The following NPAS2 variants were observed in gnomAD, a reference collection of about 807,000 sequenced individuals.
The protein encoded by NPAS2 is neuronal PAS domain protein 2, also known as neuronal PAS domain-containing protein 2.
NPAS2 carries 23 observed loss-of-function variants against 107.5 expected under a neutral mutation model. The observed-to-expected ratio is 0.21, with a 90% confidence interval of 0.15 to 0.30. The LOEUF is 0.30. Ranked by LOEUF, NPAS2 falls within the 10% of genes least tolerant of loss-of-function variation. The probability of loss-of-function intolerance (pLI) is 1.00; values close to 1 mark genes in which losing one functional copy is unlikely to be tolerated. For missense variants in NPAS2, 756 were observed against 1,043.3 expected (o/e 0.72, Z 3.79); for synonymous variants, 403 against 417.5 (o/e 0.97, Z 0.42).
At chr2:100,934,721 C>A in intron 4 of NPAS2, 1 of 907,952 alleles carries the variant, frequency 1.1e-6, no homozygotes, top group Non-Finnish European at 1.3e-6. Flanking sequence ...AGCCTTCTAG[C>A]ATCTCCTCCC....
chr2:100,850,437 T>C (rs759839698), intron 1 of NPAS2, among the ~76,000 whole-genome samples: 1 of 152,076 alleles, frequency 6.6e-6, no homozygotes, highest in Non-Finnish European at 1.5e-5. Flanking sequence ...AGGAATGGTA[T>C]ATGGTTAACA....
At chr2:100,888,685 A>G (rs920104266) in intron 1 of NPAS2, among the ~76,000 whole-genome samples, 1 of 152,244 alleles carries the variant, frequency 6.6e-6, no homozygotes, top group Non-Finnish European at 1.5e-5. Context: ...GCTAATGTAC[A>G]AGAAAACCAC....
Position 100,988,261 on chromosome 2 carries a change from T to A in NPAS2, c.1812T>A (p.Ser604Arg). 6.2e-7 allele frequency: 1 copy of A among 1,613,684 alleles called. No individual in the cohort carries two copies. The highest frequency in any genetic ancestry group is 8.5e-7 in the Non-Finnish European group (1 of 1,179,944). ...GCCAGCACCTGCTCAGAGAATCAAG[T>A]GTGATATCAACCCAGGTAAATGTGC... ...VTSQHLLRESSVISTQGPKPM... is the reference protein window; with the variant it reads ...VTSQHLLRESRVISTQGPKPM... The change falls in exon 17 of 21, where the codon AGT becomes AGA. Residue 604 changes from serine (S) to arginine (R), a missense_variant. This residue lies in a region of NPAS2 where 496 missense variants were observed against 594.4 expected (regional missense o/e 0.83). Transcript: ENST00000335681.
intron 1 of NPAS2, among the ~76,000 whole-genome samples, chr2:100,894,369 T>C (rs760523983): frequency 1.5e-4 from 23 of 152,226 alleles, no homozygotes; most frequent in Non-Finnish European, 1.3e-4. Context: ...CCTGTTTAGT[T>C]ATGAGCGGCT....
At chr2:100,844,512 TC>T (rs923121519) in intron 1 of NPAS2, among the ~76,000 whole-genome samples, 20 of 152,258 alleles carry the variant, frequency 1.3e-4, no homozygotes, top group Admixed American at 1.3e-3. Flanking sequence ...TCTGCATGAT[TC>T]CCCGCCAGCT....
At position 100,886,677 on chromosome 2, in the gene NPAS2, A is replaced by T. The variant is rs558249902; in HGVS notation, c.-22-18056A>T. ...GCAACAGTCACGATTAGAAGCCAGGATCTTTCAGGACTGTTCCCACGTTAT... is the reference window on the plus strand; with the variant it reads ...GCAACAGTCACGATTAGAAGCCAGGTTCTTTCAGGACTGTTCCCACGTTAT... On this transcript the variant is annotated intron_variant, in intron 1 of 20. Transcript: ENST00000335681. 5.2e-4 allele frequency among the ~76,000 whole-genome samples: 79 copies of T among 152,330 alleles called. 1 individual carries two copies. In the South Asian group the frequency reaches 0.016, roughly 30 times the overall value.
intron 5 of NPAS2, among the ~76,000 whole-genome samples, chr2:100,939,747 T>G (rs1325394385): frequency 1.3e-5 from 2 of 152,230 alleles, no homozygotes; most frequent in East Asian, 1.9e-4. Context: ...TTCTGCTTTA[T>G]GCTCTTGTAA....
intron 1 of NPAS2, among the ~76,000 whole-genome samples, chr2:100,840,238 T>G (rs986750081): frequency 5.3e-5 from 8 of 152,202 alleles, no homozygotes; most frequent in African/African-American, 1.9e-4. Flanking sequence ...GACTCCTGCA[T>G]GTCTGTTACA....
intron 2 of NPAS2, among the ~76,000 whole-genome samples, chr2:100,920,796 C>T (rs545944528): frequency 4.2e-4 from 64 of 152,318 alleles, no homozygotes; most frequent in Middle Eastern, 6.8e-3. Flanking sequence ...CTTGGCCAAG[C>T]GAAGGGGCAG....
chr2:100,951,318 G>A (rs1675208689), intron 7 of NPAS2, among the ~76,000 whole-genome samples: 1 of 152,180 alleles, frequency 6.6e-6, no homozygotes. Flanking sequence ...ATATGATCCA[G>A]CAATTCTACT....
chr2:100,848,052 G>T lies in NPAS2; in HGVS notation c.-23+27638G>T, dbSNP rs553259660. On this transcript the variant is annotated intron_variant, in intron 1 of 20. Coordinates refer to ENST00000335681, the MANE Select transcript of NPAS2 (RefSeq NM_002518.4). The stretch of plus-strand genomic sequence containing the variant: ...CTTATTTTTAGTGTTGACAAATCTG[G>T]TATCATTTAGAAGTGGATGTTTTCA... Among the ~76,000 whole-genome samples the T allele has an allele frequency of 9.8e-5, 15 of 152,306 alleles. No individual in the cohort carries two copies. The South Asian group carries it at 3.1e-3, about 32-fold the overall frequency.
At chr2:100,956,746 G>A (rs565439719) in intron 7 of NPAS2, among the ~76,000 whole-genome samples, 2 of 152,286 alleles carry the variant, frequency 1.3e-5, no homozygotes, top group Admixed American at 6.5e-5. Flanking sequence ...GCTGGAGAGG[G>A]CTCTGTGTGA....
intron 7 of NPAS2, among the ~76,000 whole-genome samples, chr2:100,954,688 AAGAAAAG>A (rs2105088246): frequency 6.6e-6 from 1 of 150,542 alleles, no homozygotes; most frequent in African/African-American, 2.4e-5. Flanking sequence ...AAAGAAAAAA[AAGAAAAG>A]AAAAAAGAAA....
chr2:100,915,270 C>G (rs966916818), intron 2 of NPAS2, among the ~76,000 whole-genome samples: 4 of 152,132 alleles, frequency 2.6e-5, no homozygotes, highest in Non-Finnish European at 5.9e-5. Context: ...TTCCCCCTTG[C>G]TCTCTATCTT....
intron 1 of NPAS2, among the ~76,000 whole-genome samples, chr2:100,897,400 G>A (rs929012404): frequency 1.3e-5 from 2 of 152,132 alleles, no homozygotes; most frequent in Non-Finnish European, 2.9e-5. Context: ...AAGTTTCACC[G>A]CTGTCCTCTG....
At chr2:100,850,953 CAAAAA>C (rs148858541) in intron 1 of NPAS2, among the ~76,000 whole-genome samples, 7 of 41,866 alleles carry the variant, frequency 1.7e-4, no homozygotes, top group South Asian at 4.1e-3. Context: ...AACTCTGTCT[CAAAAA>C]AAAAAAAAAA....
chr2:100,864,141 A>G (rs138379884), intron 1 of NPAS2, among the ~76,000 whole-genome samples: 31 of 152,210 alleles, frequency 2.0e-4, no homozygotes, highest in African/African-American at 7.2e-4. Context: ...TTAGCATCCT[A>G]TTTCTCTGTG....
At chr2:100,895,184 G>A (rs1194819017) in intron 1 of NPAS2, among the ~76,000 whole-genome samples, 1 of 152,164 alleles carries the variant, frequency 6.6e-6, no homozygotes, top group Non-Finnish European at 1.5e-5. Flanking sequence ...CACTTGTTGG[G>A]CTTAAGTACC....
At chr2:100,892,578 G>A (rs1225523973) in intron 1 of NPAS2, among the ~76,000 whole-genome samples, 1 of 152,184 alleles carries the variant, frequency 6.6e-6, no homozygotes, top group Non-Finnish European at 1.5e-5. Flanking sequence ...TGTTAGGATT[G>A]GATCTGTCCG....
Sources: gnomAD v4.1 joint callset for allele counts (sites outside exome capture counted in the v4.1 genomes callset) on GRCh38, gnomAD v4.1.1 for gene constraint, gnomAD v4.1.1 regional missense constraint, MANE v1.5 for transcripts, NCBI Gene and HGNC (gene_info 2026-07-23, HGNC 2026-07-21) for gene names.